Variants in SAPCD1 observed in about 807,000 individuals in gnomAD.
The protein encoded by SAPCD1 is suppressor APC domain-containing protein 1.
SAPCD1 carries 16 observed loss-of-function variants against 20.7 expected under a neutral mutation model. The observed-to-expected ratio is 0.77, with a 90% CI of 0.52 to 1.17. The LOEUF is 1.17. SAPCD1 is among the 50% of genes most tolerant of loss of function. The pLI, the probability that SAPCD1 is intolerant of heterozygous loss-of-function variation, is 0.00. For missense variants in SAPCD1, 173 were observed against 209.9 expected (o/e 0.82, Z 1.09); for synonymous variants, 77 against 84.8 (o/e 0.91, Z 0.50).
chr6:31,764,349 G>A lies in SAPCD1; in HGVS notation c.435G>A (p.Gln145=). 1 of 1,613,934 alleles carries A rather than the reference G, an allele frequency of 6.2e-7. No individual in the cohort carries two copies. Among genetic ancestry groups the A allele is most frequent in the Non-Finnish European group, 8.5e-7 (1 of 1,179,800 alleles). The change falls in exon 4 of 5, where the codon CAG becomes CAA. Residue 145 remains glutamine (Q), a synonymous_variant. Transcript: ENST00000415669. This position sits in a 1 kb window ranked among gnomAD's most constrained non-coding sequence, Gnocchi z 4.7. ...GACGAAGGGAGCAGAACTTGTGGCAGCAACAGGTAAACTTCAAGAAGGAGG... is the reference window on the plus strand; with the variant it reads ...GACGAAGGGAGCAGAACTTGTGGCAACAACAGGTAAACTTCAAGAAGGAGG...
rs947550413 is a variant in SAPCD1, at chr6:31,763,356, G to T, written c.115-59G>T. 6.2e-7 allele frequency: 1 copy of T among 1,607,682 alleles called. No individual in the cohort carries two copies. Among genetic ancestry groups the T allele is most frequent in the Non-Finnish European group, 8.5e-7 (1 of 1,175,680 alleles). ...ACCCAACTAGGGGTGGAGAGAAAGG[G>T]CCATAACCCAGAGCCCTACTGTGGC... is the stretch of plus-strand genomic sequence containing the variant. On this transcript the variant is annotated intron_variant, in intron 1 of 4. Coordinates refer to ENST00000415669, the Ensembl canonical transcript of SAPCD1. The surrounding 1 kb of genome is among the most constrained non-coding windows in gnomAD (Gnocchi z 4.9).
Position 31,763,787 on chromosome 6 carries a change from T to C in SAPCD1, c.255+232T>C, listed in dbSNP as rs1811248651. On this transcript the variant is annotated intron_variant, in intron 2 of 4. Coordinates refer to ENST00000415669, the Ensembl canonical transcript of SAPCD1. The surrounding 1 kb of genome is among the most constrained non-coding windows in gnomAD (Gnocchi z 4.9). The stretch of plus-strand genomic sequence containing the variant: ...ATTCAGAGGGATTTGGATCACTCCA[T>C]GGAGATGAGGGTGTGGCCTGGATTA... The C allele has an allele frequency of 1.6e-6, 1 of 607,208 alleles. No homozygotes were observed. Among genetic ancestry groups the C allele is most frequent in the African/African-American group, 1.9e-5 (1 of 54,012 alleles). 37.6% of individuals were successfully genotyped at this position (607,208 alleles called of 1,614,324 possible). A position where few individuals can be genotyped will look rare whatever the true frequency, so the allele number is the denominator to read the frequency against.
chr6:31,763,974 A>G lies in SAPCD1; in HGVS notation c.256-90A>G. ...GGAGGGTACTGGGACGAGGGGATCC[A>G]GATGAGAGGGATGGCCTGTGGTGAC... On this transcript the variant is annotated intron_variant, in intron 2 of 4. Coordinates refer to ENST00000415669, the Ensembl canonical transcript of SAPCD1. The surrounding 1 kb of genome is among the most constrained non-coding windows in gnomAD (Gnocchi z 4.9). 1 of 883,066 alleles carries G rather than the reference A, an allele frequency of 1.1e-6. No individual in the cohort carries two copies. The highest frequency in any genetic ancestry group is 1.9e-6 in the Non-Finnish European group (1 of 521,846). 54.7% of individuals were successfully genotyped at this position (883,066 alleles called of 1,614,324 possible). A position where few individuals can be genotyped will look rare whatever the true frequency, so the allele number is the denominator to read the frequency against.
rs1581573975 is a variant in SAPCD1, at chr6:31,763,570, C to G, written c.255+15C>G. The G allele has an allele frequency of 6.3e-7, 1 of 1,598,870 alleles. No individual in the cohort carries two copies. Among genetic ancestry groups the G allele is most frequent in the Non-Finnish European group, 8.5e-7 (1 of 1,172,900 alleles). On this transcript the variant is annotated intron_variant, in intron 2 of 4. Coordinates refer to ENST00000415669, the Ensembl canonical transcript of SAPCD1. The surrounding 1 kb of genome is among the most constrained non-coding windows in gnomAD (Gnocchi z 4.9). The stretch of plus-strand genomic sequence containing the variant: ...CCCTTGGTGAGGTATGGGGGCTGCC[C>G]CTCTGTGTGAATGGGGGGAGGACCA...
chr6:31,763,220 C>A lies in SAPCD1; in HGVS notation c.114+52C>A. 1 of 1,236,966 alleles carries A rather than the reference C, an allele frequency of 8.1e-7. No homozygotes were observed. The highest frequency in any genetic ancestry group is 1.1e-6 in the Non-Finnish European group (1 of 873,268). The allele number at this position is 1,236,966 out of a possible 1,614,324, so 76.6% of individuals were successfully genotyped here. On this transcript the variant is annotated intron_variant, in intron 1 of 4. Coordinates refer to ENST00000415669, the Ensembl canonical transcript of SAPCD1. This position sits in a 1 kb window ranked among gnomAD's most constrained non-coding sequence, Gnocchi z 4.9. ...CAGGGGAACTCTCTCAATAGATCTG[C>A]CCTTTATATTTCCATTCAACTTGAG...
At position 31,763,073 on chromosome 6, in the gene SAPCD1, G is replaced by C; in HGVS notation, c.19G>C (p.Gly7Arg). The stretch of plus-strand genomic sequence containing the variant: ...CAGAGCCATGGGGAGCCAGGGCTCT[G>C]GCGGGGTGCCCTTGGTGCAGGCTCC... The change falls in exon 1 of 5, where the codon GGC (glycine) becomes CGC (arginine). Residue 7 changes from glycine to arginine, a missense_variant. By Grantham distance (125) the Gly-to-Arg change is moderately radical. Coordinates refer to ENST00000415669, the Ensembl canonical transcript of SAPCD1. The surrounding 1 kb of genome is among the most constrained non-coding windows in gnomAD (Gnocchi z 4.9). 6.3e-7 allele frequency: 1 copy of C among 1,577,508 alleles called. No homozygotes were observed. Among genetic ancestry groups the C allele is most frequent in the Non-Finnish European group, 8.6e-7 (1 of 1,160,736 alleles).
At position 31,763,202 on chromosome 6, in the gene SAPCD1, A is replaced by G; in HGVS notation, c.114+34A>G. The stretch of plus-strand genomic sequence containing the variant: ...CAGCCCAACAAGAGGTCCCAGGGGA[A>G]CTCTCTCAATAGATCTGCCCTTTAT... On this transcript the variant is annotated intron_variant, in intron 1 of 4. Transcript: ENST00000415669. This position sits in a 1 kb window ranked among gnomAD's most constrained non-coding sequence, Gnocchi z 4.9. 5 of 1,302,842 alleles carry G rather than the reference A, an allele frequency of 3.8e-6. No individual in the cohort carries two copies. Among genetic ancestry groups the G allele is most frequent in the South Asian group, 1.3e-5 (1 of 75,820 alleles). The allele number at this position is 1,302,842 out of a possible 1,614,324, so 80.7% of individuals were successfully genotyped here.
Position 31,763,137 on chromosome 6 carries a change from A to C in SAPCD1, c.83A>C (p.Gln28Pro). ...CTGCTGCCGCTGGGGACAAGCCGCC[A>C]AGACCCAGGGGCCCAGAGCTTCTTC... is the stretch of plus-strand genomic sequence containing the variant. The change falls in exon 1 of 5, where the codon CAA becomes CCA. Residue 28 changes from glutamine to proline, a missense_variant. Transcript: ENST00000415669. The surrounding 1 kb of genome is among the most constrained non-coding windows in gnomAD (Gnocchi z 4.9). 6.4e-7 allele frequency: 1 copy of C among 1,568,094 alleles called. No individual in the cohort carries two copies. The highest frequency in any genetic ancestry group is 1.4e-5 in the African/African-American group (1 of 72,570).
Position 31,764,702 on chromosome 6 carries a change from C to T in SAPCD1, c.*171C>T, listed in dbSNP as rs1237168763. ...CCTGAAAACTTCATCTTCTTGGTGT[C>T]TCATGTCCTCATTCTCCCCTATATG... On this transcript the variant is annotated 3_prime_UTR_variant, in exon 5 of 5. Coordinates refer to ENST00000415669, the Ensembl canonical transcript of SAPCD1. This position sits in a 1 kb window ranked among gnomAD's most constrained non-coding sequence, Gnocchi z 4.7. The T allele has an allele frequency of 1.7e-6, 1 of 595,714 alleles. No homozygotes were observed. Among genetic ancestry groups the T allele is most frequent in the Non-Finnish European group, 3.0e-6 (1 of 332,778 alleles). 36.9% of individuals were successfully genotyped at this position (595,714 alleles called of 1,614,324 possible).
At chr6:31,762,893 G>C (rs1811150913), upstream of SAPCD1, 1 of 566,638 alleles carries the variant, frequency 1.8e-6, no homozygotes, top group Non-Finnish European at 3.1e-6. Flanking sequence ...CAAGGGAGAT[G>C]GTCTCTCTTC....
chr6:31,763,053 C>T lies in SAPCD1; in HGVS notation c.-2C>T, dbSNP rs1043860317. ...TGGCTCCACCCTTCCCACCTCAGAG[C>T]CATGGGGAGCCAGGGCTCTGGCGGG... On this transcript the variant is annotated 5_prime_UTR_variant, in exon 1 of 5. Coordinates refer to ENST00000415669, the Ensembl canonical transcript of SAPCD1. The surrounding 1 kb of genome is among the most constrained non-coding windows in gnomAD (Gnocchi z 4.9). 1.9e-6 allele frequency: 3 copies of T among 1,564,536 alleles called. No homozygotes were observed. The highest frequency in any genetic ancestry group is 2.6e-6 in the Non-Finnish European group (3 of 1,148,840).
Position 31,763,419 on chromosome 6 carries a change from G to A in SAPCD1, c.119G>A (p.Arg40His), listed in dbSNP as rs770156437. ...CTCTGTGATTGCCTTTCCCAGCTAC[G>A]CAGGATGCAGGCTCTGGAGAGAGAA... Residue 40 changes from arginine (R) to histidine (H), a missense_variant, in exon 2 of 5, where the codon CGC becomes CAC. Coordinates refer to ENST00000415669, the Ensembl canonical transcript of SAPCD1. This position sits in a 1 kb window ranked among gnomAD's most constrained non-coding sequence, Gnocchi z 4.9. 5.0e-6 allele frequency: 8 copies of A among 1,612,924 alleles called. No individual in the cohort carries two copies. Among genetic ancestry groups the A allele is most frequent in the Middle Eastern group, 1.6e-4 (1 of 6,084 alleles).
chr6:31,763,214 G>A lies in SAPCD1; in HGVS notation c.114+46G>A. On this transcript the variant is annotated intron_variant, in intron 1 of 4. Coordinates refer to ENST00000415669, the Ensembl canonical transcript of SAPCD1. The surrounding 1 kb of genome is among the most constrained non-coding windows in gnomAD (Gnocchi z 4.9). ...AGGTCCCAGGGGAACTCTCTCAATA[G>A]ATCTGCCCTTTATATTTCCATTCAA... 1 of 1,253,124 alleles carries A rather than the reference G, an allele frequency of 8.0e-7. No individual in the cohort carries two copies. The highest frequency in any genetic ancestry group is 1.1e-6 in the Non-Finnish European group (1 of 886,784). 77.6% of individuals were successfully genotyped at this position (1,253,124 alleles called of 1,614,324 possible). A position where few individuals can be genotyped will look rare whatever the true frequency, so the allele number is the denominator to read the frequency against.
Position 31,763,382 on chromosome 6 carries a change from G to C in SAPCD1, c.115-33G>C. ...CCATAACCCAGAGCCCTACTGTGGC[G>C]TGAGAGTCAGCCTCTGTGATTGCCT... is the stretch of plus-strand genomic sequence containing the variant. On this transcript the variant is annotated intron_variant, in intron 1 of 4. Transcript: ENST00000415669. This position sits in a 1 kb window ranked among gnomAD's most constrained non-coding sequence, Gnocchi z 4.9. The C allele has an allele frequency of 6.2e-7, 1 of 1,612,698 alleles. No homozygotes were observed. The highest frequency in any genetic ancestry group is 8.5e-7 in the Non-Finnish European group (1 of 1,179,792).
chr6:31,763,836 G>A lies in SAPCD1; in HGVS notation c.256-228G>A. The A allele has an allele frequency of 1.7e-6, 1 of 604,698 alleles. No individual in the cohort carries two copies. Among genetic ancestry groups the A allele is most frequent in the South Asian group, 2.0e-5 (1 of 49,870 alleles). 37.5% of individuals were successfully genotyped at this position (604,698 alleles called of 1,614,324 possible). A position where few individuals can be genotyped will look rare whatever the true frequency, so the allele number is the denominator to read the frequency against. The stretch of plus-strand genomic sequence containing the variant: ...TATTCCAATGGGGCAGGGATGGACA[G>A]GGAGGCTCCATGAAGAGTAGTGAAA... On this transcript the variant is annotated intron_variant, in intron 2 of 4. Transcript: ENST00000415669. This position sits in a 1 kb window ranked among gnomAD's most constrained non-coding sequence, Gnocchi z 4.9.
rs965615950 is a variant in SAPCD1 at position 31,764,325 on chromosome 6, A to G, written c.411A>G (p.Arg137=). Residue 137 remains arginine (R), a synonymous_variant, in exon 4 of 5, where the codon AGA becomes AGG. Transcript: ENST00000415669. This position sits in a 1 kb window ranked among gnomAD's most constrained non-coding sequence, Gnocchi z 4.7. The stretch of plus-strand genomic sequence containing the variant: ...GCACCACCCAGGATTCAAAGGAAAG[A>G]CGAAGGGAGCAGAACTTGTGGCAGC... 1 of 1,614,188 alleles carries G rather than the reference A, an allele frequency of 6.2e-7. No homozygotes were observed. The highest frequency in any genetic ancestry group is 8.5e-7 in the Non-Finnish European group (1 of 1,180,010).
rs1226716955 is a variant in SAPCD1 at position 31,763,135 on chromosome 6, C to T, written c.81C>T (p.Arg27=). The change falls in exon 1 of 5, where the codon CGC becomes CGT. Residue 27 remains arginine, a synonymous_variant. Transcript: ENST00000415669. This position sits in a 1 kb window ranked among gnomAD's most constrained non-coding sequence, Gnocchi z 4.9. ...TGCTGCTGCCGCTGGGGACAAGCCGCCAAGACCCAGGGGCCCAGAGCTTCT... is the reference window on the plus strand; with the variant it reads ...TGCTGCTGCCGCTGGGGACAAGCCGTCAAGACCCAGGGGCCCAGAGCTTCT... The T allele has an allele frequency of 1.9e-6, 3 of 1,567,956 alleles. No homozygotes were observed. Among genetic ancestry groups the T allele is most frequent in the Admixed American group, 2.1e-5 (1 of 47,808 alleles).
rs1811249387 is a variant in SAPCD1, at chr6:31,763,804, C to T, written c.255+249C>T. ...TCACTCCATGGAGATGAGGGTGTGG[C>T]CTGGATTATTCCAATGGGGCAGGGA... On this transcript the variant is annotated intron_variant, in intron 2 of 4. Coordinates refer to ENST00000415669, the Ensembl canonical transcript of SAPCD1. The surrounding 1 kb of genome is among the most constrained non-coding windows in gnomAD (Gnocchi z 4.9). The T allele has an allele frequency of 1.7e-6, 1 of 604,404 alleles. No individual in the cohort carries two copies. The highest frequency in any genetic ancestry group is 1.9e-5 in the African/African-American group (1 of 53,870). The allele number at this position is 604,404 out of a possible 1,614,324, so 37.4% of individuals were successfully genotyped here.
rs767252281 is a variant in SAPCD1 at position 31,764,220 on chromosome 6, G to C, written c.352-46G>C. On this transcript the variant is annotated intron_variant, in intron 3 of 4. Coordinates refer to ENST00000415669, the Ensembl canonical transcript of SAPCD1. The surrounding 1 kb of genome is among the most constrained non-coding windows in gnomAD (Gnocchi z 4.7). ...GTTGGACTAGAGAGGGGAGTTGTTG[G>C]GGTCAGTGCTGGCTTAACAGAAAAC... 1.9e-6 allele frequency: 3 copies of C among 1,602,640 alleles called. No individual in the cohort carries two copies. Among genetic ancestry groups the C allele is most frequent in the African/African-American group, 1.3e-5 (1 of 74,804 alleles).
Sources: gnomAD v4.1 joint callset for allele counts on GRCh38, gnomAD v4.1.1 for gene constraint, Gnocchi (gnomAD v3.1) non-coding constraint, MANE v1.5 for transcripts, NCBI Gene and HGNC (gene_info 2026-07-23, HGNC 2026-07-21) for gene names.